The following HEG1 variants were observed in gnomAD, a reference collection of about 807,000 sequenced individuals.
HEG1 encodes the protein protein HEG homolog 1.
In HEG1, 56 loss-of-function variants were observed where a neutral mutation model predicts 125.6. The observed-to-expected ratio is 0.45, with a 90% CI of 0.36 to 0.56. The LOEUF is 0.56. Ranked by LOEUF, HEG1 falls within the 20% of genes least tolerant of loss-of-function variation. HEG1 has a pLI of 0.00. For missense variants in HEG1, 1,523 were observed against 1,670.0 expected (o/e 0.91, Z 1.53); for synonymous variants, 644 against 668.5 (o/e 0.96, Z 0.57).
chr3:124,978,902 G>A, intron 14 of HEG1, among the ~76,000 whole-genome samples: 1 of 151,078 alleles, frequency 6.6e-6, no homozygotes, highest in African/African-American at 2.4e-5. Context: ...CTTTGGTGTT[G>A]TTTAATTTTT....
rs374798666 is a variant in HEG1 at position 125,033,304 on chromosome 3, T to A, written c.317-3816A>T. On this transcript the variant is annotated intron_variant, in intron 1 of 16. Transcript: ENST00000311127. ...CCTGGAGGCACCTGTTCAACATTTG[T>A]GACCTTGAATTTCTGTTCTGATGGC... Among the ~76,000 whole-genome samples, 235 of 152,308 alleles carry A rather than the reference T, an allele frequency of 1.5e-3. 1 individual carries two copies. Among genetic ancestry groups the A allele is most frequent in the African/African-American group, 5.5e-3 (229 of 41,558 alleles).
At chr3:125,034,861 C>T (rs1023506020) in intron 1 of HEG1, among the ~76,000 whole-genome samples, 2 of 151,870 alleles carry the variant, frequency 1.3e-5, no homozygotes, top group Middle Eastern at 3.2e-3. Context: ...GATTAAAAAA[C>T]AGAAAATATG....
chr3:125,050,258 C>T (rs1175755169), intron 1 of HEG1, among the ~76,000 whole-genome samples: 1 of 151,828 alleles, frequency 6.6e-6, no homozygotes, highest in East Asian at 1.9e-4. Flanking sequence ...ATTCTCATGC[C>T]TCAGCCTCCT....
At chr3:124,980,078 C>CT (rs1560015299) in intron 14 of HEG1, among the ~76,000 whole-genome samples, 1 of 152,190 alleles carries the variant, frequency 6.6e-6, no homozygotes, top group Admixed American at 6.5e-5. Context: ...TTGAAAGTTT[C>CT]TTTTTTAACA....
Position 124,974,717 on chromosome 3 carries a change from G to C in HEG1, c.3822-812C>G, listed in dbSNP as rs1936504584. On this transcript the variant is annotated intron_variant, in intron 15 of 16. Transcript: ENST00000311127. The stretch of plus-strand genomic sequence containing the variant: ...TTTAAATTATATTTGTCACAGATAG[G>C]ATAATCTGAAATCTTTTTCTTTCTA... Among the ~76,000 whole-genome samples, 4 of 152,172 alleles carry C rather than the reference G, an allele frequency of 2.6e-5. 1 individual carries two copies. In the South Asian group the frequency reaches 6.2e-4, roughly 24 times the overall value.
chr3:125,043,957 G>A (rs537774906), intron 1 of HEG1, among the ~76,000 whole-genome samples: 93 of 152,318 alleles, frequency 6.1e-4, no homozygotes, highest in Admixed American at 2.2e-3. Flanking sequence ...GCCTGGGCCC[G>A]GGCCCCGGTG....
Position 125,055,599 on chromosome 3 carries a change from G to C in HEG1, c.292C>G (p.Arg98Gly), listed in dbSNP as rs1937918723. Reference sequence around the variant, plus strand: ...CCCGCGCTCCCGCCTCTGGGGGCCCGGCCGGAGGGTCCCCGCTGTGTCGCG... The same window carrying C: ...CCCGCGCTCCCGCCTCTGGGGGCCCCGCCGGAGGGTCCCCGCTGTGTCGCG... ...GAATQRGPSG[R>G]APRGGSADAA... Residue 98 changes from arginine to glycine, a missense_variant, in exon 1 of 17, where the codon CGG becomes GGG. Physicochemically the swap from Arg to Gly is moderately radical, Grantham distance 125. Transcript: ENST00000311127. The C allele has an allele frequency of 8.3e-7, 1 of 1,205,862 alleles. No homozygotes were observed. The highest frequency in any genetic ancestry group is 1.0e-6 in the Non-Finnish European group (1 of 970,960). The allele number at this position is 1,205,862 out of a possible 1,614,324, so 74.7% of individuals were successfully genotyped here. A position where few individuals can be genotyped will look rare whatever the true frequency, so the allele number is the denominator to read the frequency against.
chr3:125,046,388 TATATACAC>T (rs1410722886), intron 1 of HEG1, among the ~76,000 whole-genome samples: 17 of 112,404 alleles, frequency 1.5e-4, no homozygotes, highest in African/African-American at 6.6e-4. Flanking sequence ...TGTATATATA[TATATACAC>T]ATACACACAC....
chr3:125,027,678 T>G (rs1054903437), intron 2 of HEG1, among the ~76,000 whole-genome samples, 171 bp from the exon 3 acceptor site: 1 of 152,042 alleles, frequency 6.6e-6, no homozygotes, highest in Non-Finnish European at 1.5e-5. Flanking sequence ...CAGACCAAGG[T>G]CTGTGTATTA....
chr3:124,999,886 G>A (rs1282748363), intron 11 of HEG1, among the ~76,000 whole-genome samples: 1 of 152,194 alleles, frequency 6.6e-6, no homozygotes, highest in Non-Finnish European at 1.5e-5. Context: ...CTCTGGAGAT[G>A]ACAAGAGCTG....
chr3:125,039,955 G>A (rs184502565), intron 1 of HEG1, among the ~76,000 whole-genome samples: 3 of 152,202 alleles, frequency 2.0e-5, no homozygotes, highest in Admixed American at 1.3e-4. Context: ...CCTATCACAC[G>A]GGCTTTGGAA....
intron 1 of HEG1, among the ~76,000 whole-genome samples, chr3:125,054,235 C>T (rs1331058997): frequency 6.6e-6 from 1 of 152,252 alleles, no homozygotes; most frequent in Non-Finnish European, 1.5e-5. Context: ...TCTAAAGTCA[C>T]AGTCACTCCG....
At chr3:125,050,333 AG>A (rs1937777024) in intron 1 of HEG1, among the ~76,000 whole-genome samples, 1 of 152,066 alleles carries the variant, frequency 6.6e-6, no homozygotes, top group African/African-American at 2.4e-5. Context: ...GAGTAGAGAC[AG>A]GGTTTCACCA....
At position 124,990,799 on chromosome 3, in the gene HEG1, T is replaced by A. The variant is rs1388295998; in HGVS notation, c.3721A>T (p.Asn1241Tyr). 1.3e-6 allele frequency: 2 copies of A among 1,563,300 alleles called. No homozygotes were observed. The highest frequency in any genetic ancestry group is 1.7e-6 in the Non-Finnish European group (2 of 1,153,066). ...TTTGTACACTTACGGTTTCCACAGT[T>A]GAGACCACCAAGGCCAAATGGGCAA... ...MSCPFGLGGL[N>Y]CGNPYQLITV... Residue 1241 changes from asparagine to tyrosine, a missense_variant, in exon 14 of 17, where the codon AAC becomes TAC. Coordinates refer to ENST00000311127, the MANE Select transcript of HEG1 (RefSeq NM_020733.2).
rs1937322566 is a variant in HEG1, at chr3:125,020,696, T to C, written c.1252+96A>G. 3.0e-6 allele frequency: 3 copies of C among 1,007,898 alleles called. No homozygotes were observed. The Admixed American group carries it at 7.7e-5, about 26-fold the overall frequency. 62.4% of individuals were successfully genotyped at this position (1,007,898 alleles called of 1,614,324 possible). On this transcript the variant is annotated intron_variant, in intron 4 of 16. Coordinates refer to ENST00000311127, the MANE Select transcript of HEG1 (RefSeq NM_020733.2). ...ATAGTGCCATTAAAAAGCACACTTTTCTCTGGAGATTACAAATGGTCTTGA... is the reference window on the plus strand; with the variant it reads ...ATAGTGCCATTAAAAAGCACACTTTCCTCTGGAGATTACAAATGGTCTTGA...
At chr3:125,014,679 G>GA in intron 5 of HEG1, 1 of 1,214,950 alleles carries the variant, frequency 8.2e-7, no homozygotes, top group Admixed American at 2.9e-5. Flanking sequence ...GAGCTGAAGG[G>GA]ATGTGTTAAA....
At chr3:124,984,818 A>T (rs1215307974) in intron 14 of HEG1, among the ~76,000 whole-genome samples, 1 of 152,194 alleles carries the variant, frequency 6.6e-6, no homozygotes. Flanking sequence ...AACAAAAAAC[A>T]GAAGAATGGC....
At chr3:125,025,837 A>T (rs1937407347) in intron 3 of HEG1, among the ~76,000 whole-genome samples, 1 of 152,338 alleles carries the variant, frequency 6.6e-6, no homozygotes, top group East Asian at 1.9e-4. Context: ...TTAAAAAGCA[A>T]TCTTCTAAAA....
chr3:124,978,674 T>C (rs908187156), intron 14 of HEG1, among the ~76,000 whole-genome samples: 3 of 152,108 alleles, frequency 2.0e-5, no homozygotes, highest in Non-Finnish European at 2.9e-5. Flanking sequence ...TTTTATCATG[T>C]GTAAATTATG....
Sources: allele counts gnomAD v4.1 joint callset (sites outside exome capture counted in the v4.1 genomes callset), GRCh38; gene constraint gnomAD v4.1.1; transcripts MANE v1.5; gene names NCBI Gene and HGNC (gene_info 2026-07-23, HGNC 2026-07-21).